Variants in CPS1 observed in about 807,000 individuals in gnomAD.
The protein encoded by CPS1 is carbamoyl-phosphate synthase [ammonia], mitochondrial.
CPS1 carries 109 observed loss-of-function variants against 174.6 expected under a neutral mutation model. That is an observed-to-expected ratio of 0.62 (90% confidence interval 0.53 to 0.73). CPS1 has a LOEUF of 0.73. Among genes scored for constraint, CPS1 ranks in the 30% least tolerant of loss-of-function variants. CPS1 has a pLI of 0.00. For synonymous variants in CPS1, 637 were observed against 632.0 expected (o/e 1.01, Z -0.12); for missense variants, 1,689 against 1,821.9 (o/e 0.93, Z 1.33).
intron 1 of CPS1, among the ~76,000 whole-genome samples, chr2:210,487,196 GAAC>G (rs1230399221): frequency 4.6e-5 from 7 of 151,988 alleles, no homozygotes; most frequent in Admixed American, 4.6e-4. Flanking sequence ...AGGACCTACT[GAAC>G]AACATGTCAC....
intron 1 of CPS1, among the ~76,000 whole-genome samples, chr2:210,478,283 C>T (rs1694460551): frequency 6.6e-6 from 1 of 152,204 alleles, no homozygotes; most frequent in South Asian, 2.1e-4. Flanking sequence ...CTCTCCAACA[C>T]TTGGTATTAT....
At chr2:210,669,303 A>G (rs1421508882) in intron 34 of CPS1, among the ~76,000 whole-genome samples, 1 of 152,148 alleles carries the variant, frequency 6.6e-6, no homozygotes, top group Non-Finnish European at 1.5e-5. Flanking sequence ...AATTTCCTGA[A>G]AAAATACTAG....
At chr2:210,568,380 T>C (rs560672257) in intron 1 of CPS1, among the ~76,000 whole-genome samples, 3 of 152,192 alleles carry the variant, frequency 2.0e-5, no homozygotes, top group Admixed American at 2.0e-4. Flanking sequence ...ACCCAATTAA[T>C]GTTTAAGAAA....
intron 20 of CPS1, among the ~76,000 whole-genome samples, chr2:210,614,675 A>G (rs907043428): frequency 7.9e-5 from 12 of 151,972 alleles, no homozygotes; most frequent in African/African-American, 2.9e-4. Flanking sequence ...TAAATGTGGC[A>G]CATATACACC....
chr2:210,656,518 T>G lies in CPS1; in HGVS notation c.3559-7T>G, dbSNP rs79576740. 7.0e-7 allele frequency: 1 copy of G among 1,419,352 alleles called. No individual in the cohort carries two copies. The highest frequency in any genetic ancestry group is 9.6e-7 in the Non-Finnish European group (1 of 1,045,208). The allele number at this position is 1,419,352 out of a possible 1,614,324, so 87.9% of individuals were successfully genotyped here. A position where few individuals can be genotyped will look rare whatever the true frequency, so the allele number is the denominator to read the frequency against. ...TTCTAAAATCCTTTTTTTTTTTTTT[T>G]GGCCAGGTTATCTCTCATGCCATCT... On this transcript the variant is annotated splice_region_variant and splice_polypyrimidine_tract_variant and intron_variant, in intron 29 of 37. Coordinates refer to ENST00000233072, the MANE Select transcript of CPS1 (RefSeq NM_001875.5).
At chr2:210,583,475 T>G (rs1406717153) in intron 6 of CPS1, among the ~76,000 whole-genome samples, 1 of 151,982 alleles carries the variant, frequency 6.6e-6, no homozygotes, top group Non-Finnish European at 1.5e-5. Context: ...AGCATTGAAA[T>G]GGGATAGGTG....
Position 210,656,571 on chromosome 2 carries a change from A to C in CPS1, c.3605A>C (p.His1202Pro). ...ISEHVEDAGVHSGDATLMLPT... is the reference protein window; with the variant it reads ...ISEHVEDAGVPSGDATLMLPT... Reference sequence around the variant, plus strand: ...GAACATGTTGAAGATGCAGGTGTCCACTCGGGAGATGCCACTCTGATGCTG... The same window carrying C: ...GAACATGTTGAAGATGCAGGTGTCCCCTCGGGAGATGCCACTCTGATGCTG... Residue 1202 changes from histidine (H) to proline (P), a missense_variant, in exon 30 of 38, where the codon CAC becomes CCC. Coordinates refer to ENST00000233072, the MANE Select transcript of CPS1 (RefSeq NM_001875.5). 6.2e-7 allele frequency: 1 copy of C among 1,607,308 alleles called. No homozygotes were observed. The highest frequency in any genetic ancestry group is 8.5e-7 in the Non-Finnish European group (1 of 1,179,168).
chr2:210,509,550 G>A (rs1251961248), intron 1 of CPS1, among the ~76,000 whole-genome samples: 1 of 152,192 alleles, frequency 6.6e-6, no homozygotes, highest in Non-Finnish European at 1.5e-5. Context: ...GCAGGAGAAG[G>A]AAATAAAGGG....
intron 21 of CPS1, among the ~76,000 whole-genome samples, chr2:210,625,557 A>G (rs767320425): frequency 1.3e-5 from 2 of 152,074 alleles, no homozygotes; most frequent in Non-Finnish European, 2.9e-5. Flanking sequence ...TATTGGAGCC[A>G]GGTTTTGAGT....
chr2:210,488,872 A>G (rs1694793264), intron 1 of CPS1, among the ~76,000 whole-genome samples: 1 of 152,126 alleles, frequency 6.6e-6, no homozygotes, highest in African/African-American at 2.4e-5. Context: ...TTTATATTAT[A>G]AAGTAAAAAA....
chr2:210,646,173 C>T (rs1184307093), intron 25 of CPS1, among the ~76,000 whole-genome samples: 1 of 152,070 alleles, frequency 6.6e-6, no homozygotes, highest in South Asian at 2.1e-4. Flanking sequence ...TAAAATCCTT[C>T]ATATAAGAGA....
intron 20 of CPS1, among the ~76,000 whole-genome samples, chr2:210,613,133 G>A (rs1160493334): frequency 6.6e-6 from 1 of 151,820 alleles, no homozygotes; most frequent in East Asian, 1.9e-4. Context: ...GTGCATGTGG[G>A]ATGAGTCGGT....
intron 1 of CPS1, among the ~76,000 whole-genome samples, chr2:210,537,426 A>T (rs1335828152): frequency 6.6e-6 from 1 of 152,204 alleles, no homozygotes; most frequent in Non-Finnish European, 1.5e-5. Flanking sequence ...GTACTCTAGC[A>T]TGAACTGCCA....
At chr2:210,593,650 C>T (rs573460255) in intron 11 of CPS1, 1 of 985,230 alleles carries the variant, frequency 1.0e-6, no homozygotes, top group Non-Finnish European at 1.2e-6. Flanking sequence ...TCTTCATTGT[C>T]AGAACTCTCA....
chr2:210,517,816 C>T (rs572675710), intron 1 of CPS1, among the ~76,000 whole-genome samples: 1 of 151,986 alleles, frequency 6.6e-6, no homozygotes, highest in Non-Finnish European at 1.5e-5. Context: ...ATAATTTTGT[C>T]AAAACTCTTA....
intron 30 of CPS1, among the ~76,000 whole-genome samples, chr2:210,657,971 C>G (rs1007382079): frequency 6.6e-6 from 1 of 152,208 alleles, no homozygotes; most frequent in African/African-American, 2.4e-5. Context: ...TGCTGAACCA[C>G]TCTTGTGAGC....
chr2:210,483,515 T>C (rs1402188123), intron 1 of CPS1, among the ~76,000 whole-genome samples: 1 of 152,176 alleles, frequency 6.6e-6, no homozygotes, highest in African/African-American at 2.4e-5. Context: ...CCAATATGCT[T>C]AACCATCTAC....
intron 1 of CPS1, among the ~76,000 whole-genome samples, chr2:210,483,909 T>G (rs1694642359): frequency 6.6e-6 from 1 of 152,252 alleles, no homozygotes; most frequent in Non-Finnish European, 1.5e-5. Context: ...TTGGTTCTTT[T>G]GCTCATTCAT....
At chr2:210,504,763 T>C (rs539453066) in intron 1 of CPS1, among the ~76,000 whole-genome samples, 8 of 152,330 alleles carry the variant, frequency 5.3e-5, no homozygotes, top group Admixed American at 3.3e-4. Context: ...TTCTACCCCA[T>C]GCTGGAGGAC....
Sources: allele counts gnomAD v4.1 joint callset (sites outside exome capture counted in the v4.1 genomes callset), GRCh38; gene constraint gnomAD v4.1.1; transcripts MANE v1.5; gene names NCBI Gene and HGNC (gene_info 2026-07-23, HGNC 2026-07-21).